ZNF26: variants seen among roughly 807,000 people sequenced by gnomAD.
The protein encoded by ZNF26 is epididymis luminal protein 179.
In ZNF26, 32 loss-of-function variants were observed where a neutral mutation model predicts 54.9. The ratio of observed to expected loss-of-function variants is 0.58; its 90% CI spans 0.44 to 0.78. The LOEUF (loss-of-function observed/expected upper bound fraction) is 0.78, where lower values mean the gene tolerates loss of function less well. Among genes scored for constraint, ZNF26 ranks in the 30% least tolerant of loss-of-function variants. The pLI is 0.00. For synonymous variants in ZNF26, 221 were observed against 209.2 expected (o/e 1.06, Z -0.49); for missense variants, 524 against 634.0 (o/e 0.83, Z 1.86).
chr12:132,992,636 C>T (rs1323737678), intron 1 of ZNF26, among the ~76,000 whole-genome samples: 2 of 152,140 alleles, frequency 1.3e-5, no homozygotes, highest in Admixed American at 6.5e-5. Context: ...AGTGCATTTT[C>T]GACTTACAAT....
At chr12:133,006,279 C>T (rs1953324159) in intron 1 of ZNF26, 1 of 985,334 alleles carries the variant, frequency 1.0e-6, no homozygotes, top group African/African-American at 1.7e-5. Flanking sequence ...AGGATAAACT[C>T]TCTTGTTTAT....
At position 133,007,111 on chromosome 12, in the gene ZNF26, C is replaced by T; in HGVS notation, c.103C>T (p.Gln35Ter). Reference protein sequence around the residue: ...WDEWQLLDSTQKYLYRDVILE... With the variant: ...WDEWQLLDST ...TGAATGGCAGCTACTGGATTCTACA[C>T]AGAAGTACCTGTACAGAGATGTGAT... Residue 35 changes from glutamine to a stop codon, truncating the protein, a stop_gained, in exon 2 of 4, where the codon CAG (glutamine) becomes TAG (stop). Transcript: ENST00000328654. LOFTEE classifies it high-confidence loss of function. 1.9e-6 allele frequency: 3 copies of T among 1,614,066 alleles called. No homozygotes were observed. The highest frequency in any genetic ancestry group is 2.5e-6 in the Non-Finnish European group (3 of 1,179,922).
chr12:132,996,460 A>G (rs974143628), intron 1 of ZNF26, among the ~76,000 whole-genome samples: 3 of 152,136 alleles, frequency 2.0e-5, no homozygotes, highest in Non-Finnish European at 4.4e-5. Flanking sequence ...AAAAGATAAG[A>G]GTATTTAGAA....
intron 1 of ZNF26, among the ~76,000 whole-genome samples, chr12:132,996,482 T>C (rs1183225776): frequency 1.3e-5 from 2 of 152,246 alleles, no homozygotes; most frequent in African/African-American, 2.4e-5. Flanking sequence ...TTTCTAGTTG[T>C]AGCAGTAGTA....
At position 133,007,575 on chromosome 12, in the gene ZNF26, G is replaced by T. The variant is rs1593664023; in HGVS notation, c.256+43G>T. On this transcript the variant is annotated intron_variant, in intron 3 of 3. Coordinates refer to ENST00000328654, the MANE Select transcript of ZNF26 (RefSeq NM_019591.4). ...AGGAAGGTGGGAGGCATGGGAGTGAGCTGATGAGTACCTGAGGAGTGGGCA... is the reference window on the plus strand; with the variant it reads ...AGGAAGGTGGGAGGCATGGGAGTGATCTGATGAGTACCTGAGGAGTGGGCA... 7 of 1,428,892 alleles carry T rather than the reference G, an allele frequency of 4.9e-6. No homozygotes were observed. The East Asian group carries it at 1.6e-4, about 32-fold the overall frequency. 88.5% of individuals were successfully genotyped at this position (1,428,892 alleles called of 1,614,324 possible).
intron 1 of ZNF26, among the ~76,000 whole-genome samples, chr12:132,987,304 A>G (rs1227237875): frequency 6.6e-6 from 1 of 152,110 alleles, no homozygotes; most frequent in African/African-American, 2.4e-5. Flanking sequence ...TAAATTATGT[A>G]TGTTCCTAAT....
At chr12:132,996,266 G>A (rs1174043884) in intron 1 of ZNF26, among the ~76,000 whole-genome samples, 2 of 152,136 alleles carry the variant, frequency 1.3e-5, no homozygotes, top group Non-Finnish European at 2.9e-5. Context: ...AACCTTCACT[G>A]GTTTCTCTTT....
chr12:133,010,779 A>G lies in ZNF26; in HGVS notation c.900A>G (p.Pro300=). Residue 300 remains proline (P), a synonymous_variant, in exon 4 of 4, where the codon CCA becomes CCG. Coordinates refer to ENST00000328654, the MANE Select transcript of ZNF26 (RefSeq NM_019591.4). ...ECGKAFSLKS[P]FVVHQRTHTG... ...GGAAAGCCTTTAGTTTGAAGTCTCC[A>G]TTCGTTGTACACCAGAGAACTCATA... The G allele has an allele frequency of 1.2e-6, 2 of 1,613,878 alleles. No individual in the cohort carries two copies. Among genetic ancestry groups the G allele is most frequent in the African/African-American group, 1.3e-5 (1 of 74,984 alleles).
chr12:132,992,900 G>C (rs1005768571), intron 1 of ZNF26, among the ~76,000 whole-genome samples: 1 of 151,212 alleles, frequency 6.6e-6, no homozygotes, highest in Non-Finnish European at 1.5e-5. Context: ...CTCTTTGCTT[G>C]AAGGTTTCTG....
In ZNF26 at chr12:133,007,091, G is replaced by A. The variant is rs1953348766; in HGVS notation, c.83G>A (p.Trp28Ter). The A allele has an allele frequency of 1.9e-6, 3 of 1,613,950 alleles. No homozygotes were observed. The highest frequency in any genetic ancestry group is 8.5e-7 in the Non-Finnish European group (1 of 1,179,942). The change falls in exon 2 of 4, where the codon TGG becomes TAG. Residue 28 changes from tryptophan (W) to a stop codon, truncating the protein, a stop_gained. Coordinates refer to ENST00000328654, the MANE Select transcript of ZNF26 (RefSeq NM_019591.4). LOFTEE classifies it high-confidence loss of function. The stretch of plus-strand genomic sequence containing the variant: ...TCTATGGAGTTCACCTGGGATGAAT[G>A]GCAGCTACTGGATTCTACACAGAAG... ...DISMEFTWDE[W>*]QLLDSTQKYL...
Position 133,007,248 on chromosome 12 carries a change from A to T in ZNF26, c.160+80A>T, listed in dbSNP as rs988666469. On this transcript the variant is annotated intron_variant, in intron 2 of 3. Transcript: ENST00000328654. ...TTTTTTGTTGTTGAACTACTCCGGG[A>T]TCTCTGAAGTGCTTAATGATTATGA... The T allele has an allele frequency of 2.5e-4, 381 of 1,529,820 alleles. 6 individuals carry two copies. The Admixed American group carries it at 6.6e-3, about 26-fold the overall frequency. The allele number at this position is 1,529,820 out of a possible 1,614,324, so 94.8% of individuals were successfully genotyped here.
rs1480659749 is a variant in ZNF26 at position 133,014,754 on chromosome 12, C to G, written c.*3273C>G. 6.6e-6 allele frequency: 1 copy of G among 151,970 alleles called. No individual in the cohort carries two copies. The highest frequency in any genetic ancestry group is 1.5e-5 in the Non-Finnish European group (1 of 68,056). The allele number at this position is 151,970 out of a possible 1,614,324, so 9.4% of individuals were successfully genotyped here. A position where few individuals can be genotyped will look rare whatever the true frequency, so the allele number is the denominator to read the frequency against. ...AGAGACGGGGTTTCACCACGTTGGC[C>G]AGGCTGGTCTTGAATTCCTGACCTC... On this transcript the variant is annotated 3_prime_UTR_variant, in exon 4 of 4. Transcript: ENST00000328654.
rs1477091535 is a variant in ZNF26 at position 133,020,644 on chromosome 12, G to A, written c.*9163G>A. ...TCCCACTTTCAATATTAGAACAATC[G>A]TATAAGTTGTCTAGGACTGTCGTAA... On this transcript the variant is annotated 3_prime_UTR_variant, in exon 4 of 4. Coordinates refer to ENST00000328654, the MANE Select transcript of ZNF26 (RefSeq NM_019591.4). 1 of 152,122 alleles carries A rather than the reference G, an allele frequency of 6.6e-6. No individual in the cohort carries two copies. Among genetic ancestry groups the A allele is most frequent in the Admixed American group, 6.5e-5 (1 of 15,274 alleles). The allele number at this position is 152,122 out of a possible 1,614,324, so 9.4% of individuals were successfully genotyped here.
chr12:133,024,386 C>G lies in ZNF26; in HGVS notation c.*12905C>G, dbSNP rs1953676883. The G allele has an allele frequency of 6.6e-6, 1 of 152,056 alleles. No homozygotes were observed. The highest frequency in any genetic ancestry group is 1.5e-5 in the Non-Finnish European group (1 of 68,022). 9.4% of individuals were successfully genotyped at this position (152,056 alleles called of 1,614,324 possible). A position where few individuals can be genotyped will look rare whatever the true frequency, so the allele number is the denominator to read the frequency against. The stretch of plus-strand genomic sequence containing the variant: ...GTGACAGGTGTATCAACACTGTCAC[C>G]TAATGTAAATGGAAAATAGAAGATG... On this transcript the variant is annotated 3_prime_UTR_variant, in exon 4 of 4. Coordinates refer to ENST00000328654, the MANE Select transcript of ZNF26 (RefSeq NM_019591.4).
In ZNF26 at chr12:133,017,295, G is replaced by A. The variant is rs1953578309; in HGVS notation, c.*5814G>A. 6.6e-6 allele frequency: 1 copy of A among 152,158 alleles called. No homozygotes were observed. Among genetic ancestry groups the A allele is most frequent in the African/African-American group, 2.4e-5 (1 of 41,426 alleles). The allele number at this position is 152,158 out of a possible 1,614,324, so 9.4% of individuals were successfully genotyped here. ...ACTTTACCACAGATAAGGTTCAGTGGTGGTCCCATGACTGATCTATTGGTC... is the reference window on the plus strand; with the variant it reads ...ACTTTACCACAGATAAGGTTCAGTGATGGTCCCATGACTGATCTATTGGTC... On this transcript the variant is annotated 3_prime_UTR_variant, in exon 4 of 4. Transcript: ENST00000328654.
rs972469958 is a variant in ZNF26 at position 133,026,788 on chromosome 12, A to T, written c.*15307A>T. 6.6e-6 allele frequency: 1 copy of T among 152,100 alleles called. No individual in the cohort carries two copies. Among genetic ancestry groups the T allele is most frequent in the Non-Finnish European group, 1.5e-5 (1 of 68,034 alleles). The allele number at this position is 152,100 out of a possible 1,614,324, so 9.4% of individuals were successfully genotyped here. On this transcript the variant is annotated 3_prime_UTR_variant, in exon 4 of 4. Coordinates refer to ENST00000328654, the MANE Select transcript of ZNF26 (RefSeq NM_019591.4). ...GTGATCTGCCCGCCTTGGCCTCCCA[A>T]AGTGCTGGGATTACAGGCATGAGCC...
chr12:132,995,609 G>A (rs890249447), intron 1 of ZNF26, among the ~76,000 whole-genome samples: 1 of 151,696 alleles, frequency 6.6e-6, no homozygotes, highest in Non-Finnish European at 1.5e-5. Context: ...TTAATTTTTT[G>A]CTGACATTGT....
chr12:133,001,713 A>C lies in ZNF26; in HGVS notation c.34-5329A>C. On this transcript the variant is annotated intron_variant, in intron 1 of 3. Coordinates refer to ENST00000328654, the MANE Select transcript of ZNF26 (RefSeq NM_019591.4). This position sits in a 1 kb window ranked among gnomAD's most constrained non-coding sequence, Gnocchi z 4.7. ...TTCTGGGTGTTCCTTGGGCCCAGGGAAACAGTGCCCTGCCTGAGGTGAGCC... is the reference window on the plus strand; with the variant it reads ...TTCTGGGTGTTCCTTGGGCCCAGGGCAACAGTGCCCTGCCTGAGGTGAGCC... 1.6e-6 allele frequency: 2 copies of C among 1,289,004 alleles called. No homozygotes were observed. Among genetic ancestry groups the C allele is most frequent in the Non-Finnish European group, 1.0e-6 (1 of 988,634 alleles). The allele number at this position is 1,289,004 out of a possible 1,614,324, so 79.8% of individuals were successfully genotyped here.
At chr12:133,006,209 G>GT in intron 1 of ZNF26, 1 of 985,408 alleles carries the variant, frequency 1.0e-6, no homozygotes, top group Non-Finnish European at 1.2e-6. Flanking sequence ...TGGAAGCCAT[G>GT]TAAGGTGGAG....
Sources: gnomAD v4.1 joint callset for allele counts (sites outside exome capture counted in the v4.1 genomes callset) on GRCh38, gnomAD v4.1.1 for gene constraint, Gnocchi (gnomAD v3.1) non-coding constraint, MANE v1.5 for transcripts, NCBI Gene and HGNC (gene_info 2026-07-23, HGNC 2026-07-21) for gene names.